SNX9: variants seen among roughly 807,000 people sequenced by gnomAD.
SNX9 encodes the protein sorting nexin-9.
Under a neutral mutation model 89.4 loss-of-function variants are expected in SNX9, and 44 were observed. The observed-to-expected ratio is 0.49, with a 90% CI of 0.39 to 0.63. SNX9 has a LOEUF of 0.63. Ranked by LOEUF, SNX9 falls within the 30% of genes least tolerant of loss-of-function variation. The pLI, the probability that SNX9 is intolerant of heterozygous loss-of-function variation, is 0.00. For synonymous variants in SNX9, 236 were observed against 247.8 expected (o/e 0.95, Z 0.45); for missense variants, 578 against 736.1 (o/e 0.79, Z 2.49).
At chr6:157,896,235 A>AT (rs1327205193) in intron 4 of SNX9, among the ~76,000 whole-genome samples, 1 of 152,196 alleles carries the variant, frequency 6.6e-6, no homozygotes, top group African/African-American at 2.4e-5. Flanking sequence ...TGTTAGGCGT[A>AT]TTTCTCAAAT....
chr6:157,883,547 A>G (rs551995438), intron 4 of SNX9, among the ~76,000 whole-genome samples: 1 of 152,330 alleles, frequency 6.6e-6, no homozygotes, highest in South Asian at 2.1e-4. Flanking sequence ...TCTGAATTTG[A>G]GGTTGAAGTA....
At chr6:157,910,073 A>G (rs990052007) in intron 9 of SNX9, 48 bp downstream of exon 9, 5 of 1,418,888 alleles carry the variant, frequency 3.5e-6, no homozygotes, top group African/African-American at 2.8e-5. Context: ...GAAAGACTCC[A>G]GTCAGATTAT....
chr6:157,864,361 G>A (rs1306577110), intron 1 of SNX9, among the ~76,000 whole-genome samples: 2 of 152,172 alleles, frequency 1.3e-5, no homozygotes, highest in African/African-American at 4.8e-5. Context: ...GTTTCAACAT[G>A]AGTTTTGGAG....
chr6:157,911,611 A>C (rs896017162), intron 9 of SNX9, among the ~76,000 whole-genome samples: 1 of 152,212 alleles, frequency 6.6e-6, no homozygotes, highest in African/African-American at 2.4e-5. Flanking sequence ...CACAGACATT[A>C]AACAGGTTCC....
intron 12 of SNX9, among the ~76,000 whole-genome samples, chr6:157,929,275 C>T (rs1300351291): frequency 6.6e-6 from 1 of 152,190 alleles, no homozygotes; most frequent in Non-Finnish European, 1.5e-5. Flanking sequence ...TTTCCTAGAA[C>T]TGTGCAGCTC....
chr6:157,938,841 A>G (rs1333377509), intron 16 of SNX9, 94 bp downstream of exon 16: 1 of 830,008 alleles, frequency 1.2e-6, no homozygotes, highest in Non-Finnish European at 2.0e-6. Context: ...TGTGAGCAGC[A>G]GTTAAGTAAG....
chr6:157,896,253 A>T (rs1291782190), intron 4 of SNX9, among the ~76,000 whole-genome samples: 2 of 152,208 alleles, frequency 1.3e-5, no homozygotes, highest in Non-Finnish European at 2.9e-5. Context: ...AATTGCATAT[A>T]CTTTTATTGT....
intron 1 of SNX9, among the ~76,000 whole-genome samples, chr6:157,844,478 A>C (rs1257649674): frequency 1.3e-5 from 2 of 151,536 alleles, no homozygotes; most frequent in African/African-American, 4.9e-5. Context: ...CAGAGTCTGC[A>C]AAGTATCTCA....
chr6:157,928,521 G>A, intron 11 of SNX9, 78 bp from the exon 12 acceptor site: 1 of 1,076,220 alleles, frequency 9.3e-7, no homozygotes, highest in Non-Finnish European at 1.4e-6. Flanking sequence ...AAGTGTCTGT[G>A]GTTATATTTG....
chr6:157,940,586 T>A (rs2115224191), intron 16 of SNX9, among the ~76,000 whole-genome samples: 1 of 152,242 alleles, frequency 6.6e-6, no homozygotes, highest in East Asian at 1.9e-4. Context: ...CCCGGCTAAT[T>A]TTTGTATTCT....
At chr6:157,856,045 G>C (rs1014956674) in intron 1 of SNX9, among the ~76,000 whole-genome samples, 24 of 152,166 alleles carry the variant, frequency 1.6e-4, no homozygotes, top group Non-Finnish European at 3.5e-4. Flanking sequence ...CACCACGCCC[G>C]GCCTGTCATT....
At chr6:157,908,454 A>G (rs745758269) in intron 7 of SNX9, among the ~76,000 whole-genome samples, 2 of 152,198 alleles carry the variant, frequency 1.3e-5, no homozygotes, top group Non-Finnish European at 1.5e-5. Flanking sequence ...AAGGACTTCT[A>G]TTGCTCTGAA....
chr6:157,924,483 T>G (rs1783648555), intron 10 of SNX9: 1 of 152,288 alleles, frequency 6.6e-6, no homozygotes, highest in Admixed American at 6.5e-5. Flanking sequence ...GTCATTATAC[T>G]TCCAGAAAAA....
In SNX9 at chr6:157,823,998, C is replaced by G. The variant is rs1174699416; in HGVS notation, c.12+552C>G. On this transcript the variant is annotated intron_variant, in intron 1 of 17. Coordinates refer to ENST00000392185, the MANE Select transcript of SNX9 (RefSeq NM_016224.5). The surrounding 1 kb of genome is among the most constrained non-coding windows in gnomAD (Gnocchi z 4.6). Reference sequence around the variant, plus strand: ...GGCTGGGACGCCCCGCGCCCCTTTGCCTTCGCTGCTGTTATTTTTTTCTTT... The same window carrying G: ...GGCTGGGACGCCCCGCGCCCCTTTGGCTTCGCTGCTGTTATTTTTTTCTTT... 1.3e-5 allele frequency among the ~76,000 whole-genome samples: 2 copies of G among 152,220 alleles called. No individual in the cohort carries two copies. Among genetic ancestry groups the G allele is most frequent in the Non-Finnish European group, 2.9e-5 (2 of 68,028 alleles).
At position 157,941,791 on chromosome 6, in the gene SNX9, T is replaced by C. The variant is rs555989486; in HGVS notation, c.1740+817T>C. ...AAAGGAGAACTGTGCTTGATGTACC[T>C]AATGCATATTTGTGAATTGTGTCTT... is the stretch of plus-strand genomic sequence containing the variant. On this transcript the variant is annotated intron_variant, in intron 17 of 17. Transcript: ENST00000392185. Among the ~76,000 whole-genome samples, 7 of 152,340 alleles carry C rather than the reference T, an allele frequency of 4.6e-5. No homozygotes were observed. In the South Asian group the frequency reaches 1.5e-3, roughly 32 times the overall value.
chr6:157,886,859 G>T (rs1782747162), intron 4 of SNX9, among the ~76,000 whole-genome samples: 1 of 151,656 alleles, frequency 6.6e-6, no homozygotes, highest in South Asian at 2.1e-4. Context: ...TTCATAATGT[G>T]TTTTGTTTTT....
chr6:157,942,369 G>A (rs1784052249), intron 17 of SNX9, among the ~76,000 whole-genome samples: 1 of 152,234 alleles, frequency 6.6e-6, no homozygotes, highest in Admixed American at 6.5e-5. Context: ...GGCTCGTGCT[G>A]TCTGCACACT....
chr6:157,893,518 G>A (rs980706035), intron 4 of SNX9, among the ~76,000 whole-genome samples: 8 of 144,234 alleles, frequency 5.5e-5, no homozygotes, highest in Admixed American at 1.3e-4. Flanking sequence ...CAGCCACTAG[G>A]GTGTCTGTCC....
At chr6:157,942,180 C>T (rs561878115) in intron 17 of SNX9, among the ~76,000 whole-genome samples, 1 of 152,158 alleles carries the variant, frequency 6.6e-6, no homozygotes, top group Non-Finnish European at 1.5e-5. Flanking sequence ...CAAAGTAACC[C>T]TTAAGTTACT....
Sources: gnomAD v4.1 joint callset for allele counts (sites outside exome capture counted in the v4.1 genomes callset) on GRCh38, gnomAD v4.1.1 for gene constraint, Gnocchi (gnomAD v3.1) non-coding constraint, MANE v1.5 for transcripts, NCBI Gene and HGNC (gene_info 2026-07-23, HGNC 2026-07-21) for gene names.